PBX4: variants seen among roughly 807,000 people sequenced by gnomAD.
PBX4 encodes PBX homeobox 4.
PBX4 carries 26 observed loss-of-function variants against 35.1 expected under a neutral mutation model. The observed-to-expected ratio is 0.74, with a 90% CI of 0.54 to 1.03. PBX4 has a LOEUF of 1.03. PBX4 is among the 50% of genes least tolerant of loss of function. The probability of loss-of-function intolerance (pLI) is 0.00; values close to 1 mark genes in which losing one functional copy is unlikely to be tolerated. For missense variants in PBX4, 448 were observed against 504.3 expected, an observed-to-expected ratio of 0.89 and a Z score of 1.07; for synonymous variants, 199 against 204.2, an observed-to-expected ratio of 0.97 and a Z score of 0.22.
intron 1 of PBX4, among the ~76,000 whole-genome samples, chr19:19,610,568 T>C (rs1340202683): frequency 6.6e-6 from 1 of 152,052 alleles, no homozygotes; most frequent in Non-Finnish European, 1.5e-5. Context: ...CTGCCCAACA[T>C]GGTGAAACCT....
At chr19:19,614,588 A>G (rs2061678858) in intron 1 of PBX4, among the ~76,000 whole-genome samples, 1 of 151,570 alleles carries the variant, frequency 6.6e-6, no homozygotes, top group Non-Finnish European at 1.5e-5. Context: ...ACTAGCCGAG[A>G]TCGCGCCACT....
chr19:19,601,808 A>G (rs979054043), intron 1 of PBX4, among the ~76,000 whole-genome samples: 1 of 152,146 alleles, frequency 6.6e-6, no homozygotes, highest in African/African-American at 2.4e-5. Flanking sequence ...ACTGGGCAAC[A>G]CCTTGATTTT....
At chr19:19,584,320 C>G (rs894234654) in intron 2 of PBX4, among the ~76,000 whole-genome samples, 2 of 152,176 alleles carry the variant, frequency 1.3e-5, no homozygotes, top group Non-Finnish European at 1.5e-5. Context: ...TCAAGCCCCA[C>G]AGCAAACCCC....
rs1160297236 is a variant in PBX4, at chr19:19,594,804, C to T, written c.193+4488G>A. Among the ~76,000 whole-genome samples the T allele has an allele frequency of 5.3e-5, 8 of 152,248 alleles. No individual in the cohort carries two copies. The East Asian group carries it at 1.5e-3, about 29-fold the overall frequency. On this transcript the variant is annotated intron_variant, in intron 2 of 7. Coordinates refer to ENST00000251203, the MANE Select transcript of PBX4 (RefSeq NM_025245.3). ...TGGCGCAATGTCATCTCACTGCAAC[C>T]TCTGCCTCCTGGGTTCAAGTGATAC...
At chr19:19,609,275 C>T (rs1263826213) in intron 1 of PBX4, among the ~76,000 whole-genome samples, 1 of 152,134 alleles carries the variant, frequency 6.6e-6, no homozygotes, top group East Asian at 1.9e-4. Context: ...AAGAGCCAGG[C>T]GCAGTAGCTC....
At chr19:19,596,624 G>A (rs1199827570) in intron 2 of PBX4, among the ~76,000 whole-genome samples, 5 of 152,102 alleles carry the variant, frequency 3.3e-5, no homozygotes, top group Admixed American at 3.3e-4. Flanking sequence ...TTAGAGAATT[G>A]GGTGAAGCAG....
intron 1 of PBX4, among the ~76,000 whole-genome samples, chr19:19,605,240 A>AC (rs2061622732): frequency 6.7e-6 from 1 of 150,274 alleles, no homozygotes; most frequent in African/African-American, 2.4e-5. Flanking sequence ...ACGTGGTGAA[A>AC]CCCCGTCTCT....
At chr19:19,605,250 T>G (rs2061622840) in intron 1 of PBX4, among the ~76,000 whole-genome samples, 1 of 150,758 alleles carries the variant, frequency 6.6e-6, no homozygotes, top group African/African-American at 2.4e-5. Context: ...ACCCCGTCTC[T>G]ACTAAAAATA....
intron 2 of PBX4, among the ~76,000 whole-genome samples, chr19:19,589,728 C>T (rs1231360971): frequency 2.0e-5 from 3 of 152,064 alleles, no homozygotes; most frequent in South Asian, 2.1e-4. Flanking sequence ...CGAGATCGCA[C>T]GATTGCACTC....
chr19:19,615,004 A>G (rs2061681011), intron 1 of PBX4, among the ~76,000 whole-genome samples: 1 of 151,286 alleles, frequency 6.6e-6, no homozygotes, highest in African/African-American at 2.4e-5. Context: ...TACTAAAAAT[A>G]CAAAAAAAAA....
chr19:19,569,648 A>C, intron 4 of PBX4, 64 bp from the exon 5 acceptor site: 1 of 1,552,344 alleles, frequency 6.4e-7, no homozygotes, highest in Non-Finnish European at 8.7e-7. Context: ...CCCCACCTCT[A>C]GTTCTGAGTA....
intron 2 of PBX4, among the ~76,000 whole-genome samples, chr19:19,573,344 C>T (rs1295750192): frequency 6.7e-6 from 1 of 150,198 alleles, no homozygotes; most frequent in African/African-American, 2.4e-5. Context: ...CACACACACA[C>T]ACACACACAC....
chr19:19,576,891 G>A (rs1309020876), intron 2 of PBX4, among the ~76,000 whole-genome samples: 2 of 151,942 alleles, frequency 1.3e-5, no homozygotes, highest in African/African-American at 2.4e-5. Context: ...TGGGATTATA[G>A]TTGTGAGCCA....
At chr19:19,593,192 A>G (rs150064109) in intron 2 of PBX4, among the ~76,000 whole-genome samples, 2,297 of 152,296 alleles carry the variant, frequency 0.015, 80 homozygotes, top group South Asian at 0.076. Flanking sequence ...TGGGATTATA[A>G]GTGTGAGCCA....
At chr19:19,612,586 A>G (rs1241675625) in intron 1 of PBX4, among the ~76,000 whole-genome samples, 1 of 152,064 alleles carries the variant, frequency 6.6e-6, no homozygotes, top group East Asian at 1.9e-4. Flanking sequence ...GAGGAGCTGT[A>G]TTTCCTCCAG....
chr19:19,575,628 A>G (rs2061415020), intron 2 of PBX4, among the ~76,000 whole-genome samples: 1 of 152,050 alleles, frequency 6.6e-6, no homozygotes, highest in African/African-American at 2.4e-5. Context: ...CCTGCGGAGG[A>G]AAGTCTCTCC....
intron 5 of PBX4, among the ~76,000 whole-genome samples, chr19:19,565,602 A>T (rs978091582): frequency 6.6e-6 from 1 of 152,016 alleles, no homozygotes; most frequent in Non-Finnish European, 1.5e-5. Flanking sequence ...ATATTCATAT[A>T]TTTTTCTTAA....
At chr19:19,591,686 G>A (rs973985734) in intron 2 of PBX4, among the ~76,000 whole-genome samples, 2 of 152,124 alleles carry the variant, frequency 1.3e-5, no homozygotes, top group African/African-American at 4.8e-5. Flanking sequence ...CTACCCACTC[G>A]AGATCTGAGA....
Position 19,565,216 on chromosome 19 carries a change from A to C in PBX4, c.769-127T>G, listed in dbSNP as rs554318433. The C allele has an allele frequency of 2.5e-6, 3 of 1,176,540 alleles. No individual in the cohort carries two copies. In the East Asian group the frequency reaches 7.0e-5, roughly 28 times the overall value. 72.9% of individuals were successfully genotyped at this position (1,176,540 alleles called of 1,614,324 possible). Reference sequence around the variant, plus strand: ...GAAGACAACACTGCACCCTGGGGCTATGAAGAGTCTGGGACTGAGAAGGTG... The same window carrying C: ...GAAGACAACACTGCACCCTGGGGCTCTGAAGAGTCTGGGACTGAGAAGGTG... On this transcript the variant is annotated intron_variant, in intron 5 of 7. Transcript: ENST00000251203.
Sources: allele counts gnomAD v4.1 joint callset (sites outside exome capture counted in the v4.1 genomes callset), GRCh38; gene constraint gnomAD v4.1.1; transcripts MANE v1.5; gene names NCBI Gene and HGNC (gene_info 2026-07-23, HGNC 2026-07-21).